ME3: variants seen among roughly 807,000 people sequenced by gnomAD.
The protein encoded by ME3 is NADP-dependent malic enzyme, mitochondrial.
Under a neutral mutation model 68.9 loss-of-function variants are expected in ME3, and 48 were observed. The observed-to-expected ratio is 0.70, with a 90% CI of 0.55 to 0.89. The LOEUF (loss-of-function observed/expected upper bound fraction) is 0.89. Among genes scored for constraint, ME3 ranks in the 40% least tolerant of loss-of-function variants. The pLI, the probability that ME3 is intolerant of heterozygous loss-of-function variation, is 0.00. For missense variants in ME3, 675 were observed against 797.4 expected, an observed-to-expected ratio of 0.85 and a Z score of 1.85; for synonymous variants, 320 against 318.8, an observed-to-expected ratio of 1.00 and a Z score of -0.04.
intron 2 of ME3, among the ~76,000 whole-genome samples, chr11:86,590,840 A>G (rs894609388): frequency 6.6e-6 from 1 of 152,186 alleles, no homozygotes; most frequent in East Asian, 1.9e-4. Flanking sequence ...GATTGTTCCA[A>G]TTTTCCCTTT....
At chr11:86,596,208 C>T (rs1477899294) in intron 2 of ME3, among the ~76,000 whole-genome samples, 1 of 152,134 alleles carries the variant, frequency 6.6e-6, no homozygotes, top group Non-Finnish European at 1.5e-5. Flanking sequence ...AGCATACATA[C>T]CCCATAATGC....
intron 6 of ME3, among the ~76,000 whole-genome samples, chr11:86,488,203 T>G (rs1185421467): frequency 6.6e-6 from 1 of 152,098 alleles, no homozygotes; most frequent in Non-Finnish European, 1.5e-5. Flanking sequence ...AAAAAATGAA[T>G]GTCTTGAGAC....
In ME3 at chr11:86,475,874, T is replaced by TAGAGAGAGAGAGAGAGAGAG. The variant is rs1555206746; in HGVS notation, c.810-10694_810-10675dup. On this transcript the variant is annotated intron_variant, in intron 7 of 14. Transcript: ENST00000543262. ...CAGTATATATATATATATATATATA[T>TAGAGAGAGAGAGAGAGAGAG]AGAGAGAGAGAGAGAGAGAGAGAGA... Among the ~76,000 whole-genome samples, 10 of 91,466 alleles carry TAGAGAGAGAGAGAGAGAGAG rather than the reference T, an allele frequency of 1.1e-4. No homozygotes were observed. In the South Asian group the frequency reaches 1.7e-3, roughly 15 times the overall value. 60.0% of individuals were successfully genotyped at this position (91,466 alleles called of 152,430 possible).
At chr11:86,653,433 T>A (rs1445745742) in intron 2 of ME3, among the ~76,000 whole-genome samples, 1 of 152,166 alleles carries the variant, frequency 6.6e-6, no homozygotes, top group Non-Finnish European at 1.5e-5. Flanking sequence ...AACTCAGGAT[T>A]AAGAAACTCT....
intron 8 of ME3, chr11:86,464,115 T>C: frequency 2.2e-6 from 1 of 451,790 alleles, no homozygotes; most frequent in Non-Finnish European, 4.4e-6. Context: ...TCTTTGGGCC[T>C]CTGGAGAAGT....
intron 3 of ME3, among the ~76,000 whole-genome samples, chr11:86,558,741 A>G (rs1957053831): frequency 6.6e-6 from 1 of 152,222 alleles, no homozygotes; most frequent in African/African-American, 2.4e-5. Flanking sequence ...TTTACTTGAC[A>G]AACACTGACA....
At chr11:86,548,226 C>G (rs553125410) in intron 4 of ME3, among the ~76,000 whole-genome samples, 22 of 152,308 alleles carry the variant, frequency 1.4e-4, no homozygotes, top group African/African-American at 5.3e-4. Flanking sequence ...AAAAAGTAAG[C>G]CAGTTCCCTC....
chr11:86,497,031 G>T (rs1253865434), intron 6 of ME3, among the ~76,000 whole-genome samples: 2 of 152,118 alleles, frequency 1.3e-5, no homozygotes, highest in Admixed American at 6.5e-5. Flanking sequence ...ACCCAGGCTG[G>T]AGTGCAGTGG....
intron 6 of ME3, among the ~76,000 whole-genome samples, chr11:86,489,890 G>A (rs1951898089): frequency 6.6e-6 from 1 of 152,040 alleles, no homozygotes; most frequent in Non-Finnish European, 1.5e-5. Flanking sequence ...CGAGAGGTAG[G>A]TCTCATCGTT....
intron 4 of ME3, among the ~76,000 whole-genome samples, chr11:86,528,064 T>C (rs1487183060): frequency 6.6e-6 from 1 of 152,106 alleles, no homozygotes; most frequent in South Asian, 2.1e-4. Flanking sequence ...GATTGGCAAA[T>C]TGGATAAAGA....
chr11:86,436,111 T>C (rs1304201825), downstream of ME3: 1 of 152,070 alleles, frequency 6.6e-6, no homozygotes, highest in African/African-American at 2.4e-5. Context: ...GGAGTTAGAG[T>C]GAAGACTTAC....
chr11:86,521,923 C>T (rs1399607438), intron 4 of ME3, among the ~76,000 whole-genome samples: 1 of 152,180 alleles, frequency 6.6e-6, no homozygotes, highest in Admixed American at 6.5e-5. Context: ...ACAGGTTCTA[C>T]ATCTTGGATT....
At chr11:86,634,286 C>T (rs1944198617) in intron 2 of ME3, among the ~76,000 whole-genome samples, 1 of 152,180 alleles carries the variant, frequency 6.6e-6, no homozygotes, top group African/African-American at 2.4e-5. Flanking sequence ...GTTCATGTCT[C>T]TACATGGGTA....
intron 5 of ME3, among the ~76,000 whole-genome samples, chr11:86,501,075 C>G (rs1330274544): frequency 1.3e-5 from 2 of 151,846 alleles, no homozygotes; most frequent in East Asian, 3.9e-4. Context: ...GCTTTGGAGT[C>G]TGATAACCAG....
At chr11:86,644,201 C>T (rs981038195) in intron 2 of ME3, among the ~76,000 whole-genome samples, 1 of 152,070 alleles carries the variant, frequency 6.6e-6, no homozygotes, top group African/African-American at 2.4e-5. Flanking sequence ...TCTAATCTGA[C>T]CGCTCCTGCC....
At chr11:86,479,781 T>C (rs1349962626) in intron 7 of ME3, among the ~76,000 whole-genome samples, 3 of 151,998 alleles carry the variant, frequency 2.0e-5, no homozygotes, top group Non-Finnish European at 4.4e-5. Context: ...TTGGAAGGAC[T>C]GTAAGGTTGT....
At chr11:86,586,826 TCCATATGA>T (rs1172883024) in intron 2 of ME3, among the ~76,000 whole-genome samples, 2 of 151,922 alleles carry the variant, frequency 1.3e-5, no homozygotes, top group African/African-American at 4.8e-5. Context: ...ATAAGCAACC[TCCATATGA>T]GAGGGGTTTG....
chr11:86,595,302 T>TAGAGAGAGAGAG (rs1268407167), intron 2 of ME3, among the ~76,000 whole-genome samples: 2 of 63,166 alleles, frequency 3.2e-5, no homozygotes, highest in African/African-American at 1.0e-4. Flanking sequence ...CATATATATA[T>TAGAGAGAGAGAG]ATATAGAGAG....
intron 6 of ME3, among the ~76,000 whole-genome samples, chr11:86,491,470 G>A (rs181360921): frequency 3.9e-5 from 6 of 152,332 alleles, no homozygotes; most frequent in Non-Finnish European, 5.9e-5. Context: ...AATGAGTTCA[G>A]AGGAAAGGCT....
Sources: gnomAD v4.1 joint callset for allele counts (sites outside exome capture counted in the v4.1 genomes callset) on GRCh38, gnomAD v4.1.1 for gene constraint, MANE v1.5 for transcripts, NCBI Gene and HGNC (gene_info 2026-07-23, HGNC 2026-07-21) for gene names.